The following FHIT variants were observed in gnomAD, a reference collection of about 807,000 sequenced individuals.
The protein encoded by FHIT is bis(5'-adenosyl)-triphosphatase.
FHIT carries 19 observed loss-of-function variants against 17.9 expected under a neutral mutation model. That is an observed-to-expected ratio of 1.06 (90% CI 0.74 to 1.56). The LOEUF is 1.56. Ranked by LOEUF, FHIT falls within the 40% of genes most tolerant of loss-of-function variation. FHIT has a pLI of 0.00. For missense variants in FHIT, 248 were observed against 189.2 expected (o/e 1.31, Z -1.82); for synonymous variants, 81 against 69.7 (o/e 1.16, Z -0.81).
chr3:61,017,721 G>A (rs139188503), intron 3 of FHIT, among the ~76,000 whole-genome samples: 70 of 152,296 alleles, frequency 4.6e-4, no homozygotes, highest in Non-Finnish European at 6.8e-4. Flanking sequence ...AGATAACATT[G>A]TGAAGAATTT....
chr3:60,001,099 A>G (rs113548946), intron 7 of FHIT, among the ~76,000 whole-genome samples: 2 of 152,274 alleles, frequency 1.3e-5, no homozygotes, highest in African/African-American at 2.4e-5. Context: ...ATTCCATTTC[A>G]TAACACCTTG....
At chr3:60,112,742 G>A (rs1473821982) in intron 5 of FHIT, among the ~76,000 whole-genome samples, 2 of 152,160 alleles carry the variant, frequency 1.3e-5, no homozygotes, top group East Asian at 1.9e-4. Flanking sequence ...TAGAGCATAC[G>A]AAAATACCAG....
At chr3:61,057,717 G>A (rs1056982302) in intron 2 of FHIT, among the ~76,000 whole-genome samples, 1 of 152,170 alleles carries the variant, frequency 6.6e-6, no homozygotes, top group Admixed American at 6.6e-5. Context: ...ATAATGAAAG[G>A]TTCACTGCAC....
intron 7 of FHIT, among the ~76,000 whole-genome samples, chr3:59,990,772 C>T (rs1356308131): frequency 6.6e-6 from 1 of 152,038 alleles, no homozygotes; most frequent in Non-Finnish European, 1.5e-5. Flanking sequence ...AGTGGTTTAA[C>T]AAATGACACT....
At chr3:59,992,550 G>T (rs1339872374) in intron 7 of FHIT, among the ~76,000 whole-genome samples, 1 of 152,144 alleles carries the variant, frequency 6.6e-6, no homozygotes, top group Middle Eastern at 3.4e-3. Context: ...CCAGAGACTG[G>T]ATCAAACAGC....
chr3:60,937,102 C>T lies in FHIT; in HGVS notation c.-111+104945G>A, dbSNP rs547080883. ...TCTTGAAATACAAAGACTCTCATCC[C>T]CTATCAGCCCCCAAAGTGACAAAGG... is the stretch of plus-strand genomic sequence containing the variant. On this transcript the variant is annotated intron_variant, in intron 3 of 9. Transcript: ENST00000492590. Among the ~76,000 whole-genome samples the T allele has an allele frequency of 2.6e-5, 4 of 152,222 alleles. No homozygotes were observed. The South Asian group carries it at 8.3e-4, about 32-fold the overall frequency.
At chr3:60,395,280 A>G (rs1157126541) in intron 5 of FHIT, among the ~76,000 whole-genome samples, 2 of 152,140 alleles carry the variant, frequency 1.3e-5, no homozygotes, top group African/African-American at 2.4e-5. Flanking sequence ...GACACTTTCT[A>G]TGTTCTAGGA....
chr3:60,765,448 G>A (rs1221113923), intron 4 of FHIT: 2 of 152,170 alleles, frequency 1.3e-5, no homozygotes, highest in Non-Finnish European at 2.9e-5. Context: ...GGGCCCACGA[G>A]TGTTGACTGG....
chr3:60,645,461 C>T (rs2039832694), intron 4 of FHIT, among the ~76,000 whole-genome samples: 1 of 152,168 alleles, frequency 6.6e-6, no homozygotes, highest in South Asian at 2.1e-4. Context: ...CCTCTTAATG[C>T]CTCCTATTGG....
chr3:60,311,236 C>T (rs1368798539), intron 5 of FHIT, among the ~76,000 whole-genome samples: 2 of 136,594 alleles, frequency 1.5e-5, no homozygotes, highest in African/African-American at 5.6e-5. Context: ...ATGCCCCAAA[C>T]CCCTCTACCC....
intron 4 of FHIT, among the ~76,000 whole-genome samples, chr3:60,666,992 C>A (rs1353739663): frequency 6.9e-6 from 1 of 144,998 alleles, no homozygotes; most frequent in Non-Finnish European, 1.5e-5. Flanking sequence ...GTAGCTGGGA[C>A]TACAGGTGTG....
chr3:60,670,265 G>GT (rs1370337682), intron 4 of FHIT, among the ~76,000 whole-genome samples: 1 of 152,164 alleles, frequency 6.6e-6, no homozygotes, highest in African/African-American at 2.4e-5. Context: ...TTCTTGATAA[G>GT]TAAAAAATAG....
chr3:60,825,214 G>C (rs1702072071), intron 3 of FHIT, among the ~76,000 whole-genome samples: 1 of 152,052 alleles, frequency 6.6e-6, no homozygotes, highest in African/African-American at 2.4e-5. Context: ...GTATACCAGG[G>C]CTAAGAAACA....
chr3:60,521,022 A>C (rs1002451518), intron 5 of FHIT, among the ~76,000 whole-genome samples: 13 of 152,184 alleles, frequency 8.5e-5, no homozygotes, highest in African/African-American at 2.9e-4. Context: ...TTTATTTTAA[A>C]TCCAGGGTGT....
At chr3:60,194,194 A>G (rs1365694290) in intron 5 of FHIT, among the ~76,000 whole-genome samples, 1 of 152,196 alleles carries the variant, frequency 6.6e-6, no homozygotes, top group Non-Finnish European at 1.5e-5. Context: ...TTATACTACA[A>G]AGCAATAGTA....
At chr3:60,869,303 AG>A (rs1704299208) in intron 3 of FHIT, among the ~76,000 whole-genome samples, 1 of 152,138 alleles carries the variant, frequency 6.6e-6, no homozygotes. Context: ...AAATCAGGCT[AG>A]GTTAAAATTG....
intron 2 of FHIT, among the ~76,000 whole-genome samples, chr3:61,112,235 C>T (rs1299146278): frequency 6.6e-6 from 1 of 151,110 alleles, no homozygotes; most frequent in Non-Finnish European, 1.5e-5. Context: ...TAAAAAGCTG[C>T]TTTAGCACTC....
In FHIT at chr3:59,977,849, T is replaced by C. The variant is rs142467753; in HGVS notation, c.279+33522A>G. Among the ~76,000 whole-genome samples, 564 of 152,280 alleles carry C rather than the reference T, an allele frequency of 3.7e-3. 1 individual carries two copies. The highest frequency in any genetic ancestry group is 5.5e-3 in the Non-Finnish European group (372 of 68,016). On this transcript the variant is annotated intron_variant, in intron 7 of 9. Coordinates refer to ENST00000492590, the MANE Select transcript of FHIT (RefSeq NM_002012.4). ...TCTAGTTACCCTGCCTATTAAATGATAGACACATTAAAAGAAAGAGAGTGA... is the reference window on the plus strand; with the variant it reads ...TCTAGTTACCCTGCCTATTAAATGACAGACACATTAAAAGAAAGAGAGTGA...
At chr3:60,501,573 A>C (rs536772730) in intron 5 of FHIT, among the ~76,000 whole-genome samples, 5 of 152,214 alleles carry the variant, frequency 3.3e-5, no homozygotes, top group African/African-American at 1.2e-4. Context: ...TTTTGTTTTG[A>C]GTTCCACTTC....
Sources: gnomAD v4.1 joint callset for allele counts (sites outside exome capture counted in the v4.1 genomes callset) on GRCh38, gnomAD v4.1.1 for gene constraint, MANE v1.5 for transcripts, NCBI Gene and HGNC (gene_info 2026-07-23, HGNC 2026-07-21) for gene names.